Variants in TBC1D7 observed in about 807,000 individuals in gnomAD.
The protein encoded by TBC1D7 is TBC1 domain family member 7, also known as TBC domain family 7.
Under a neutral mutation model 35.3 loss-of-function variants are expected in TBC1D7, and 33 were observed. The ratio of observed to expected loss-of-function variants is 0.93; its 90% CI spans 0.71 to 1.25. The LOEUF (loss-of-function observed/expected upper bound fraction) is 1.25, where lower values mean the gene tolerates loss of function less well. Among genes scored for constraint, TBC1D7 ranks in the 50% most tolerant of loss-of-function variants. TBC1D7 has a pLI of 0.00. For synonymous variants in TBC1D7, 135 were observed against 129.5 expected, an observed-to-expected ratio of 1.04 and a Z score of -0.29; for missense variants, 362 against 365.3, an observed-to-expected ratio of 0.99 and a Z score of 0.07.
chr6:13,326,436 C>CTGGGCAACAGAGTCAGACT (rs1389833183), intron 2 of TBC1D7, among the ~76,000 whole-genome samples: 1 of 149,842 alleles, frequency 6.7e-6, no homozygotes, highest in East Asian at 2.0e-4. Context: ...GCACTACAGC[C>CTGGGCAACAGAGTCAGACT]TGGGCAACAG....
At chr6:13,325,381 G>A (rs368614964) in intron 2 of TBC1D7, among the ~76,000 whole-genome samples, 6 of 152,132 alleles carry the variant, frequency 3.9e-5, no homozygotes, top group South Asian at 2.1e-4. Flanking sequence ...AACAATTTGC[G>A]GCCAGGCACG....
intron 3 of TBC1D7, 145 bp downstream of exon 3, chr6:13,324,949 T>C: frequency 1.7e-6 from 1 of 583,844 alleles, no homozygotes; most frequent in Non-Finnish European, 3.0e-6. Flanking sequence ...CAGAAAATAA[T>C]GAGTGGTAAT....
intron 2 of TBC1D7, 63 bp downstream of exon 2, chr6:13,326,724 T>A: frequency 9.3e-7 from 1 of 1,072,086 alleles, no homozygotes; most frequent in Admixed American, 2.4e-5. Context: ...TTTAAGAAAA[T>A]ATTTACTTCA....
intron 6 of TBC1D7, 24 bp from the exon 7 acceptor site, chr6:13,306,551 C>G: frequency 1.3e-6 from 2 of 1,545,570 alleles, no homozygotes; most frequent in South Asian, 2.4e-5. Context: ...GAGATATAAT[C>G]AAATTATATG....
chr6:13,308,228 G>A (rs1782947426), intron 5 of TBC1D7, among the ~76,000 whole-genome samples: 1 of 152,166 alleles, frequency 6.6e-6, no homozygotes, highest in South Asian at 2.1e-4. Context: ...ATTAGGAAGA[G>A]TAAGACAAAA....
intron 1 of TBC1D7, among the ~76,000 whole-genome samples, chr6:13,327,482 T>C (rs117500327): frequency 1.4e-3 from 211 of 152,318 alleles, no homozygotes; most frequent in East Asian, 2.1e-3. Context: ...AAAATTAAGT[T>C]ATATAAAAGT....
At chr6:13,325,913 A>C (rs1490597797) in intron 2 of TBC1D7, among the ~76,000 whole-genome samples, 1 of 152,178 alleles carries the variant, frequency 6.6e-6, no homozygotes, top group Non-Finnish European at 1.5e-5. Context: ...TTTTCCAATA[A>C]ATTACAGTGA....
chr6:13,312,199 C>CTAA (rs1783264398), intron 5 of TBC1D7, among the ~76,000 whole-genome samples: 8 of 152,090 alleles, frequency 5.3e-5, no homozygotes, highest in Admixed American at 5.2e-4. Context: ...TTAGCACTGC[C>CTAA]TGACATGAAG....
At chr6:13,307,393 T>C in intron 6 of TBC1D7, 2 of 529,428 alleles carry the variant, frequency 3.8e-6, no homozygotes, top group Non-Finnish European at 6.7e-6. Flanking sequence ...CTTCACAGCA[T>C]CTAACGCACT....
At chr6:13,316,253 G>A (rs545034809) in intron 5 of TBC1D7, among the ~76,000 whole-genome samples, 2 of 152,322 alleles carry the variant, frequency 1.3e-5, no homozygotes, top group South Asian at 4.1e-4. Flanking sequence ...TTCTAGACCA[G>A]AATAAGGAAT....
Position 13,325,176 on chromosome 6 carries a change from T to TAGAGGA in TBC1D7, c.113-8_113-3dup, listed in dbSNP as rs1186315354. The TAGAGGA allele has an allele frequency of 2.5e-6, 4 of 1,608,642 alleles. No homozygotes were observed. Among genetic ancestry groups the TAGAGGA allele is most frequent in the Admixed American group, 3.3e-5 (2 of 59,812 alleles). On this transcript the variant is annotated splice_region_variant and splice_polypyrimidine_tract_variant and intron_variant, in intron 2 of 7. Coordinates refer to ENST00000379300, the MANE Select transcript of TBC1D7 (RefSeq NM_016495.6). Reference sequence around the variant, plus strand: ...TAAAAGTACAAAGTTTCTCAGTATCTAGAGGAAGAAGAAAACAATTGTTAG... The same window carrying TAGAGGA: ...TAAAAGTACAAAGTTTCTCAGTATCTAGAGGAAGAGGAAGAAGAAAACAATTGTTAG...
intron 3 of TBC1D7, among the ~76,000 whole-genome samples, chr6:13,324,099 G>A (rs776473359): frequency 8.6e-5 from 13 of 151,914 alleles, no homozygotes; most frequent in Non-Finnish European, 1.2e-4. Flanking sequence ...ATCTTACAGT[G>A]AACAAACTGT....
At chr6:13,316,497 G>T (rs1783626693) in intron 5 of TBC1D7, 74 bp downstream of exon 5, 4 of 1,499,164 alleles carry the variant, frequency 2.7e-6, no homozygotes, top group South Asian at 1.2e-5. Context: ...GCCCCAGGAG[G>T]TAAGAGCACT....
rs563682107 is a variant in TBC1D7, at chr6:13,324,121, T to G, written c.193+973A>C. On this transcript the variant is annotated intron_variant, in intron 3 of 7. Coordinates refer to ENST00000379300, the MANE Select transcript of TBC1D7 (RefSeq NM_016495.6). ...AGTGAACAAACTGTAAGTTTTTTTT[T>G]GTTTGTTTTTTGTTTTTTTTTTTGG... Among the ~76,000 whole-genome samples the G allele has an allele frequency of 3.6e-4, 54 of 148,158 alleles. No homozygotes were observed. The South Asian group carries it at 0.012, about 33-fold the overall frequency.
Position 13,316,645 on chromosome 6 carries a change from C to T in TBC1D7, c.445G>A (p.Val149Ile). The part of the protein sequence containing the change: ...KAMEEMVEDS[V>I]DCYWITRRFV... The stretch of plus-strand genomic sequence containing the variant: ...CGTCGGGTGATCCAGTAACAGTCGA[C>T]ACTATCTTCCACCATTTCCTCCATG... The change falls in exon 5 of 8, where the codon GTC becomes ATC. Residue 149 changes from valine to isoleucine, a missense_variant. Transcript: ENST00000379300. The T allele has an allele frequency of 6.2e-7, 1 of 1,614,092 alleles. No individual in the cohort carries two copies. The highest frequency in any genetic ancestry group is 8.5e-7 in the Non-Finnish European group (1 of 1,180,018).
At chr6:13,314,511 T>C (rs1472312470) in intron 5 of TBC1D7, among the ~76,000 whole-genome samples, 1 of 152,206 alleles carries the variant, frequency 6.6e-6, no homozygotes, top group African/African-American at 2.4e-5. Context: ...AATTAGATCA[T>C]GGTATGATAT....
chr6:13,319,102 T>C (rs551017238), intron 4 of TBC1D7: 20 of 152,238 alleles, frequency 1.3e-4, no homozygotes, highest in South Asian at 2.1e-4. Context: ...CAGACCCAAA[T>C]TGAGAAATGC....
intron 4 of TBC1D7, chr6:13,319,636 C>T (rs2458308): frequency 0.25 from 37,833 of 151,938 alleles, 5,028 homozygotes; most frequent in South Asian, 0.41. Flanking sequence ...TGTGATTCTC[C>T]GGTTTTGATC....
chr6:13,317,769 G>A (rs1783738461), intron 4 of TBC1D7, among the ~76,000 whole-genome samples: 1 of 152,242 alleles, frequency 6.6e-6, no homozygotes, highest in South Asian at 2.1e-4. Flanking sequence ...GACAGGTCAA[G>A]GGAAGAGGAC....
Sources: allele counts gnomAD v4.1 joint callset (sites outside exome capture counted in the v4.1 genomes callset), GRCh38; gene constraint gnomAD v4.1.1; transcripts MANE v1.5; gene names NCBI Gene and HGNC (gene_info 2026-07-23, HGNC 2026-07-21).